Variants in SLC29A1 observed in about 807,000 individuals in gnomAD.
SLC29A1 encodes equilibrative nucleoside transporter 1.
Under a neutral mutation model 48.3 loss-of-function variants are expected in SLC29A1, and 22 were observed. That is an observed-to-expected ratio of 0.46 (90% CI 0.33 to 0.65). The LOEUF is 0.65. Among genes scored for constraint, SLC29A1 ranks in the 30% least tolerant of loss-of-function variants. The pLI, the probability that SLC29A1 is intolerant of heterozygous loss-of-function variation, is 0.03. For missense variants in SLC29A1, 491 were observed against 575.3 expected (o/e 0.85, Z 1.50); for synonymous variants, 228 against 231.0 (o/e 0.99, Z 0.12).
chr6:44,223,418 G>T, upstream of SLC29A1: 1 of 448,028 alleles, frequency 2.2e-6, no homozygotes, highest in Non-Finnish European at 3.0e-6. The surrounding 1 kb of genome is among the most constrained non-coding windows in gnomAD (Gnocchi z 5.0). Context: ...CGACCAGGCG[G>T]CCCTGGGGGC....
chr6:44,228,900 G>A (rs947872960), intron 2 of SLC29A1, among the ~76,000 whole-genome samples: 4 of 152,186 alleles, frequency 2.6e-5, no homozygotes, highest in Non-Finnish European at 1.5e-5. Flanking sequence ...TGCCCTGTAG[G>A]TCCAGAATAG....
Position 44,230,348 on chromosome 6 carries a change from AT to A in SLC29A1, c.459del (p.Phe153LeufsTer25). On this transcript the variant is annotated frameshift_variant and splice_region_variant, in exon 6 of 13. Transcript: ENST00000371755. LOFTEE classifies it high-confidence loss of function. ...CTCATGCCCGCCCTGTTTCCCCAGC[AT>A]TTGGTGCCATCCTGCAGGGCAGCCT... ...TMIKIVLINS[F>X]GAILQGSLFG... is the part of the protein sequence containing the mutation. The A allele has an allele frequency of 1.2e-6, 2 of 1,610,544 alleles. No individual in the cohort carries two copies. The highest frequency in any genetic ancestry group is 1.7e-6 in the Non-Finnish European group (2 of 1,177,258).
At chr6:44,227,039 G>C in intron 1 of SLC29A1, 1 of 1,325,686 alleles carries the variant, frequency 7.5e-7, no homozygotes, top group Non-Finnish European at 9.7e-7. Context: ...CCGGGAGCCA[G>C]GTAGAGTCTG....
At position 44,230,009 on chromosome 6, in the gene SLC29A1, C is replaced by CT; in HGVS notation, c.420dup (p.Val141CysfsTer11). 1.2e-6 allele frequency: 2 copies of CT among 1,611,134 alleles called. No homozygotes were observed. Among genetic ancestry groups the CT allele is most frequent in the Non-Finnish European group, 1.7e-6 (2 of 1,180,030 alleles). ...AGGTGCAGCTGGATGCTCTGCCCTT[C>CT]TTTGTCATCACCATGATCAAGATCG... On this transcript the variant is annotated frameshift_variant, in exon 5 of 13. Coordinates refer to ENST00000371755, the MANE Select transcript of SLC29A1 (RefSeq NM_001372327.1). LOFTEE classifies it high-confidence loss of function.
chr6:44,222,317 A>G (rs1284588245), upstream of SLC29A1, among the ~76,000 whole-genome samples: 1 of 151,990 alleles, frequency 6.6e-6, no homozygotes, highest in Non-Finnish European at 1.5e-5. Context: ...TCTGTGGGGC[A>G]TGGAAACAGA....
intron 1 of SLC29A1, 192 bp from the exon 2 acceptor site, chr6:44,227,071 G>C (rs1777719508): frequency 2.8e-6 from 4 of 1,404,412 alleles, no homozygotes; most frequent in South Asian, 3.0e-5. Context: ...GGGCCGCGCA[G>C]GACTGGCCTG....
intron 1 of SLC29A1, among the ~76,000 whole-genome samples, chr6:44,224,614 C>G (rs949433929): frequency 1.3e-5 from 2 of 152,190 alleles, no homozygotes; most frequent in Non-Finnish European, 2.9e-5. Context: ...TGAACCTCAG[C>G]TGGCCCCATC....
upstream of SLC29A1, among the ~76,000 whole-genome samples, chr6:44,222,264 G>A (rs1404932775): frequency 6.6e-6 from 1 of 151,470 alleles, no homozygotes; most frequent in Non-Finnish European, 1.5e-5. Context: ...GTGGGGGATG[G>A]GGGTGGGGTG....
intron 1 of SLC29A1, chr6:44,226,992 CG>C: frequency 8.3e-7 from 1 of 1,207,566 alleles, no homozygotes; most frequent in Non-Finnish European, 1.0e-6. Flanking sequence ...TAAACTGCTT[CG>C]GCTGCTGGAT....
chr6:44,224,281 G>A (rs1233990474), intron 1 of SLC29A1, among the ~76,000 whole-genome samples: 2 of 151,686 alleles, frequency 1.3e-5, no homozygotes, highest in African/African-American at 4.9e-5. Context: ...GCAGCCCTGT[G>A]GTAGTCCCTT....
Position 44,229,264 on chromosome 6 carries a change from C to G in SLC29A1, c.30-126C>G. 1.3e-6 allele frequency: 1 copy of G among 780,578 alleles called. No homozygotes were observed. Among genetic ancestry groups the G allele is most frequent in the East Asian group, 2.4e-5 (1 of 41,108 alleles). 48.4% of individuals were successfully genotyped at this position (780,578 alleles called of 1,614,324 possible). A position where few individuals can be genotyped will look rare whatever the true frequency, so the allele number is the denominator to read the frequency against. ...ATAAGAGGACACATGCAAACGGACACAAACACAGACGCCCTGTGCCCTGGG... is the reference window on the plus strand; with the variant it reads ...ATAAGAGGACACATGCAAACGGACAGAAACACAGACGCCCTGTGCCCTGGG... On this transcript the variant is annotated intron_variant, in intron 2 of 12. Coordinates refer to ENST00000371755, the MANE Select transcript of SLC29A1 (RefSeq NM_001372327.1). The surrounding 1 kb of genome is among the most constrained non-coding windows in gnomAD (Gnocchi z 5.1).
intron 5 of SLC29A1, 77 bp downstream of exon 5, chr6:44,230,123 G>A (rs564201801): frequency 6.3e-7 from 1 of 1,579,018 alleles, no homozygotes; most frequent in South Asian, 1.1e-5. Flanking sequence ...CCCAGCGTTA[G>A]CCAGAGAGAA....
upstream of SLC29A1, chr6:44,223,559 G>T: frequency 8.3e-7 from 1 of 1,197,960 alleles, no homozygotes; most frequent in Non-Finnish European, 1.1e-6. This position sits in a 1 kb window ranked among gnomAD's most constrained non-coding sequence, Gnocchi z 5.0. Context: ...AGCGGAGGGC[G>T]GGTTTGAATG....
chr6:44,225,362 C>T lies in SLC29A1; in HGVS notation c.-52+1721C>T, dbSNP rs571659393. On this transcript the variant is annotated intron_variant, in intron 1 of 12. Coordinates refer to ENST00000371755, the MANE Select transcript of SLC29A1 (RefSeq NM_001372327.1). ...CTCTACTAAAAATACAGAAATCAGC[C>T]GGGGGTGGTGGCAGGAGCCTGTATT... is the stretch of plus-strand genomic sequence containing the variant. 5.9e-5 allele frequency among the ~76,000 whole-genome samples: 9 copies of T among 151,998 alleles called. No homozygotes were observed. The East Asian group carries it at 1.6e-3, about 26-fold the overall frequency.
In SLC29A1 at chr6:44,232,214, A is replaced by AT; in HGVS notation, c.973+111dup. 8.7e-7 allele frequency: 1 copy of AT among 1,153,106 alleles called. No homozygotes were observed. Among genetic ancestry groups the AT allele is most frequent in the African/African-American group, 1.5e-5 (1 of 65,884 alleles). 71.4% of individuals were successfully genotyped at this position (1,153,106 alleles called of 1,614,324 possible). On this transcript the variant is annotated intron_variant, in intron 10 of 12. Coordinates refer to ENST00000371755, the MANE Select transcript of SLC29A1 (RefSeq NM_001372327.1). The surrounding 1 kb of genome is among the most constrained non-coding windows in gnomAD (Gnocchi z 4.7). ...CACCTTCTCCCCGTTTCCTGGGTCC[A>AT]TTTGCCCTTCCCTGGGCTGGAAGCA...
At chr6:44,220,065 C>T (rs1166851708), upstream of SLC29A1, among the ~76,000 whole-genome samples, 4 of 152,162 alleles carry the variant, frequency 2.6e-5, no homozygotes, top group Non-Finnish European at 5.9e-5. Context: ...CCTAGAAGAC[C>T]AGCCCAGACC....
chr6:44,224,792 C>G (rs921004807), intron 1 of SLC29A1, among the ~76,000 whole-genome samples: 7 of 152,144 alleles, frequency 4.6e-5, no homozygotes, highest in African/African-American at 1.7e-4. Flanking sequence ...AGGGGCCCAC[C>G]TCAGCAGGCC....
Position 44,232,915 on chromosome 6 carries a change from T to A in SLC29A1, c.1168T>A (p.Phe390Ile). Residue 390 changes from phenylalanine (F) to isoleucine (I), a missense_variant, in exon 12 of 13, where the codon TTC (phenylalanine) becomes ATC (isoleucine). Physicochemically the swap from Phe to Ile is conservative, Grantham distance 21. Transcript: ENST00000371755. The surrounding 1 kb of genome is among the most constrained non-coding windows in gnomAD (Gnocchi z 4.7). The stretch of plus-strand genomic sequence containing the variant: ...GCCCCGCCGCTACCTGACTGTGGTC[T>A]TCGAGCACGATGCCTGGTTCATCTT... ...IKPRRYLTVVFEHDAWFIFFM... is the reference protein window; with the variant it reads ...IKPRRYLTVVIEHDAWFIFFM... The A allele has an allele frequency of 1.9e-6, 3 of 1,614,196 alleles. No homozygotes were observed. The highest frequency in any genetic ancestry group is 2.5e-6 in the Non-Finnish European group (3 of 1,180,046).
At chr6:44,219,881 G>A, upstream of SLC29A1, 6 of 847,208 alleles carry the variant, frequency 7.1e-6, no homozygotes, top group Non-Finnish European at 9.7e-6. Flanking sequence ...GGGCCAGTAG[G>A]GGGACCCGCT....
Sources: gnomAD v4.1 joint callset for allele counts (sites outside exome capture counted in the v4.1 genomes callset) on GRCh38, gnomAD v4.1.1 for gene constraint, Gnocchi (gnomAD v3.1) non-coding constraint, MANE v1.5 for transcripts, NCBI Gene and HGNC (gene_info 2026-07-23, HGNC 2026-07-21) for gene names.